The following GNA12 variants were observed in gnomAD, a reference collection of about 807,000 sequenced individuals.
GNA12 encodes the protein G protein subunit alpha 12, also known as guanine nucleotide-binding protein subunit alpha-12.
In GNA12, 9 loss-of-function variants were observed where a neutral mutation model predicts 26.0. That is an observed-to-expected ratio of 0.35 (90% CI 0.21 to 0.60). The LOEUF is 0.60. Among genes scored for constraint, GNA12 ranks in the 20% least tolerant of loss-of-function variants. The pLI is 0.78. For missense variants in GNA12, 405 were observed against 525.8 expected (o/e 0.77, Z 2.25); for synonymous variants, 264 against 219.6 (o/e 1.20, Z -1.79).
chr7:2,768,420 G>C (rs1035884473), intron 2 of GNA12, among the ~76,000 whole-genome samples: 2 of 152,058 alleles, frequency 1.3e-5, no homozygotes, highest in African/African-American at 2.4e-5. Context: ...GTTTTTCCTA[G>C]TATTTCTCTG....
At chr7:2,770,929 C>T (rs551665953) in intron 2 of GNA12, among the ~76,000 whole-genome samples, 3 of 152,264 alleles carry the variant, frequency 2.0e-5, no homozygotes, top group South Asian at 2.1e-4. Context: ...GTACTGCAAG[C>T]GCCAGGCTCT....
chr7:2,838,817 T>C (rs1778909192), intron 1 of GNA12, among the ~76,000 whole-genome samples: 1 of 152,078 alleles, frequency 6.6e-6, no homozygotes, highest in Non-Finnish European at 1.5e-5. Context: ...CATTACATAA[T>C]AAAAAAGGTT....
intron 1 of GNA12, among the ~76,000 whole-genome samples, chr7:2,824,794 T>C (rs934237812): frequency 6.6e-6 from 1 of 152,214 alleles, no homozygotes; most frequent in Non-Finnish European, 1.5e-5. Context: ...AAAAAATCCC[T>C]GCTGCTCAAA....
chr7:2,762,752 A>T, intron 2 of GNA12: 1 of 1,552,128 alleles, frequency 6.4e-7, no homozygotes, highest in Non-Finnish European at 8.7e-7. Flanking sequence ...CAGGAAGTGC[A>T]CCAGGCCCGT....
chr7:2,796,113 G>A (rs947603489), intron 1 of GNA12, among the ~76,000 whole-genome samples: 4 of 144,484 alleles, frequency 2.8e-5, no homozygotes, highest in Non-Finnish European at 4.4e-5. Flanking sequence ...TGATCCGCCC[G>A]CCTCAGCCTC....
At chr7:2,841,406 T>A (rs986340185) in intron 1 of GNA12, among the ~76,000 whole-genome samples, 5 of 152,184 alleles carry the variant, frequency 3.3e-5, no homozygotes, top group Admixed American at 1.3e-4. Flanking sequence ...TGCCTGGTTC[T>A]GAGGTCTGGG....
Position 2,731,813 on chromosome 7 carries a change from C to A in GNA12, c.577-63G>T. On this transcript the variant is annotated intron_variant, in intron 3 of 3. Coordinates refer to ENST00000275364, the MANE Select transcript of GNA12 (RefSeq NM_007353.3). This position sits in a 1 kb window ranked among gnomAD's most constrained non-coding sequence, Gnocchi z 6.0. The stretch of plus-strand genomic sequence containing the variant: ...GAAGAAAGAACAGAGAAAATAGAAA[C>A]AAAAAGATGGCAAAAAGATAAGAAG... The A allele has an allele frequency of 2.3e-6, 2 of 861,796 alleles. No individual in the cohort carries two copies. Among genetic ancestry groups the A allele is most frequent in the Non-Finnish European group, 3.4e-6 (2 of 592,768 alleles). 53.4% of individuals were successfully genotyped at this position (861,796 alleles called of 1,614,324 possible).
chr7:2,763,445 G>A (rs1223393150), intron 2 of GNA12: 1 of 152,342 alleles, frequency 6.6e-6, no homozygotes, highest in Non-Finnish European at 1.5e-5. Context: ...TGGAGCAAAG[G>A]TTTTGTCTGG....
chr7:2,798,954 T>A (rs1242555092), intron 1 of GNA12, among the ~76,000 whole-genome samples: 2 of 55,602 alleles, frequency 3.6e-5, no homozygotes, highest in Non-Finnish European at 7.1e-5. Flanking sequence ...TAAAGAAAAT[T>A]GGGGGGAGCG....
chr7:2,731,397 G>A lies in GNA12; in HGVS notation c.930C>T (p.Ile310=). The change falls in exon 4 of 4, where the codon ATC becomes ATT. Residue 310 remains isoleucine (I), a synonymous_variant. Transcript: ENST00000275364. The surrounding 1 kb of genome is among the most constrained non-coding windows in gnomAD (Gnocchi z 6.0). ...LLVEKVKTVS[I]KKHFPDFRGD... ...CCCTGAAGTCCGGGAAGTGCTTCTT[G>A]ATGCTCACGGTCTTCACCTTCTCCA... 1 of 1,613,326 alleles carries A rather than the reference G, an allele frequency of 6.2e-7. No individual in the cohort carries two copies. Among genetic ancestry groups the A allele is most frequent in the South Asian group, 1.1e-5 (1 of 91,052 alleles).
intron 1 of GNA12, among the ~76,000 whole-genome samples, chr7:2,821,651 T>G (rs1002281390): frequency 5.3e-5 from 8 of 152,212 alleles, no homozygotes; most frequent in African/African-American, 1.7e-4. Context: ...CTCAGCTCCC[T>G]GCTCCTCGTT....
chr7:2,768,691 A>AAAAAAAAAAAAAAAAAAAAAC (rs1562418608), intron 2 of GNA12, among the ~76,000 whole-genome samples: 1 of 142,590 alleles, frequency 7.0e-6, no homozygotes, highest in African/African-American at 2.6e-5. Flanking sequence ...ACAAAACAAA[A>AAAAAAAAAAAAAAAAAAAAAC]AAAAAAACAG....
intron 1 of GNA12, chr7:2,814,971 T>C (rs770791694): frequency 3.2e-6 from 5 of 1,559,136 alleles, no homozygotes; most frequent in Non-Finnish European, 4.3e-6. Context: ...GCACTCGGCA[T>C]GGCTGACAAG....
chr7:2,742,390 A>G (rs926235728), intron 2 of GNA12, among the ~76,000 whole-genome samples: 2 of 152,100 alleles, frequency 1.3e-5, no homozygotes, highest in Non-Finnish European at 2.9e-5. Context: ...AGTGTTTAAC[A>G]TGACAGTTTC....
At chr7:2,739,412 G>A (rs1790383632) in intron 2 of GNA12, among the ~76,000 whole-genome samples, 1 of 152,138 alleles carries the variant, frequency 6.6e-6, no homozygotes. Context: ...TCTTTTACTT[G>A]GTGCGGCATT....
chr7:2,778,119 A>G (rs1172449686), intron 2 of GNA12, among the ~76,000 whole-genome samples: 6 of 152,370 alleles, frequency 3.9e-5, no homozygotes, highest in East Asian at 1.9e-4. Flanking sequence ...TCGCTGGGAT[A>G]CATGTGTCCA....
At chr7:2,767,368 G>A (rs938122808) in intron 2 of GNA12, among the ~76,000 whole-genome samples, 7 of 152,178 alleles carry the variant, frequency 4.6e-5, no homozygotes, top group East Asian at 1.9e-4. Context: ...TTTAGTTTTC[G>A]TGATTATGTT....
intron 1 of GNA12, among the ~76,000 whole-genome samples, chr7:2,823,727 T>C (rs916288777): frequency 6.6e-6 from 1 of 152,152 alleles, no homozygotes; most frequent in Non-Finnish European, 1.5e-5. Flanking sequence ...TAAAAAAGCA[T>C]GTTGCAGACA....
Position 2,729,009 on chromosome 7 carries a change from A to C in GNA12, c.*2172T>G, listed in dbSNP as rs945367916. ...TCCTTCCTCTCATGCTTCTGGTTTG[A>C]AAGTGACGAGTAAATATGTCAGACT... On this transcript the variant is annotated 3_prime_UTR_variant, in exon 4 of 4. Transcript: ENST00000275364. 1 of 152,426 alleles carries C rather than the reference A, an allele frequency of 6.6e-6. No individual in the cohort carries two copies. The highest frequency in any genetic ancestry group is 1.5e-5 in the Non-Finnish European group (1 of 68,062). The allele number at this position is 152,426 out of a possible 1,614,324, so 9.4% of individuals were successfully genotyped here. A position where few individuals can be genotyped will look rare whatever the true frequency, so the allele number is the denominator to read the frequency against.
Sources: gnomAD v4.1 joint callset for allele counts (sites outside exome capture counted in the v4.1 genomes callset) on GRCh38, gnomAD v4.1.1 for gene constraint, Gnocchi (gnomAD v3.1) non-coding constraint, MANE v1.5 for transcripts, NCBI Gene and HGNC (gene_info 2026-07-23, HGNC 2026-07-21) for gene names.